Variants in ZBTB7C observed in about 807,000 individuals in gnomAD.
ZBTB7C encodes the protein zinc finger and BTB domain-containing protein 7C.
A neutral mutation model predicts 25.7 loss-of-function variants in ZBTB7C; 8 were observed. The observed-to-expected ratio is 0.31, with a 90% CI of 0.18 to 0.56. The LOEUF (loss-of-function observed/expected upper bound fraction) is 0.56. Ranked by LOEUF, ZBTB7C falls within the 20% of genes least tolerant of loss-of-function variation. The pLI, the probability that ZBTB7C is intolerant of heterozygous loss-of-function variation, is 0.91. For synonymous variants in ZBTB7C, 394 were observed against 369.0 expected (o/e 1.07, Z -0.78); for missense variants, 824 against 855.2 (o/e 0.96, Z 0.46).
At chr18:48,054,774 G>A (rs2036847320) in intron 3 of ZBTB7C, among the ~76,000 whole-genome samples, 1 of 152,140 alleles carries the variant, frequency 6.6e-6, no homozygotes, top group African/African-American at 2.4e-5. Flanking sequence ...ATTGCACTGA[G>A]AAAGCCCAAG....
At chr18:48,083,532 G>A (rs1248196187) in intron 3 of ZBTB7C, among the ~76,000 whole-genome samples, 2 of 152,110 alleles carry the variant, frequency 1.3e-5, no homozygotes, top group Non-Finnish European at 2.9e-5. Context: ...GGAAGGGTAC[G>A]CTGGAGACAG....
chr18:48,047,711 G>C (rs1160973341), intron 3 of ZBTB7C, among the ~76,000 whole-genome samples: 2 of 152,200 alleles, frequency 1.3e-5, no homozygotes, highest in East Asian at 1.9e-4. Context: ...CTCTCAGAGA[G>C]AGACTGTGCT....
chr18:48,227,135 C>A (rs2043123529), intron 2 of ZBTB7C, among the ~76,000 whole-genome samples: 1 of 152,178 alleles, frequency 6.6e-6, no homozygotes. Flanking sequence ...TCTCAAGCCC[C>A]AAGGAGAGCC....
At chr18:48,101,563 C>T (rs2038831874) in intron 3 of ZBTB7C, among the ~76,000 whole-genome samples, 1 of 152,192 alleles carries the variant, frequency 6.6e-6, no homozygotes, top group Admixed American at 6.5e-5. Flanking sequence ...TTCTAAGCAG[C>T]TGTTATAAAA....
At chr18:48,146,996 T>G (rs2040514384) in intron 3 of ZBTB7C, among the ~76,000 whole-genome samples, 1 of 152,270 alleles carries the variant, frequency 6.6e-6, no homozygotes, top group Admixed American at 6.5e-5. Flanking sequence ...ACCAGATTAC[T>G]TTGTCTTCAA....
intron 3 of ZBTB7C, among the ~76,000 whole-genome samples, chr18:48,045,623 C>G (rs147487437): frequency 2.0e-5 from 3 of 152,160 alleles, no homozygotes; most frequent in Non-Finnish European, 4.4e-5. Flanking sequence ...CTCGCACTTC[C>G]GGGGGTCCAC....
At chr18:48,207,575 A>G (rs910195903) in intron 2 of ZBTB7C, among the ~76,000 whole-genome samples, 1 of 111,562 alleles carries the variant, frequency 9.0e-6, no homozygotes, top group African/African-American at 3.5e-5. Flanking sequence ...CCTATCATCT[A>G]TCTATCTATC....
intron 3 of ZBTB7C, among the ~76,000 whole-genome samples, chr18:48,076,749 G>C (rs1047949109): frequency 2.0e-5 from 3 of 152,158 alleles, no homozygotes; most frequent in African/African-American, 7.2e-5. Flanking sequence ...CAGCTATTAT[G>C]AGGGCTCCAC....
chr18:48,305,045 T>G (rs2045638660), intron 2 of ZBTB7C, among the ~76,000 whole-genome samples: 2 of 152,092 alleles, frequency 1.3e-5, no homozygotes, highest in African/African-American at 4.8e-5. Context: ...CTTCCTGAAT[T>G]GCAAGAGAGG....
intron 2 of ZBTB7C, among the ~76,000 whole-genome samples, chr18:48,213,791 TG>T (rs2145258708): frequency 6.6e-6 from 1 of 152,276 alleles, no homozygotes; most frequent in African/African-American, 2.4e-5. Context: ...GGGATGGGAA[TG>T]GGCACTAAGA....
chr18:48,318,485 C>A (rs1196487093), intron 2 of ZBTB7C, among the ~76,000 whole-genome samples: 1 of 152,138 alleles, frequency 6.6e-6, no homozygotes, highest in South Asian at 2.1e-4. Flanking sequence ...CTGCCCTAGA[C>A]CTTGAATCAG....
At chr18:48,103,215 G>T (rs563752748) in intron 3 of ZBTB7C, among the ~76,000 whole-genome samples, 1 of 151,034 alleles carries the variant, frequency 6.6e-6, no homozygotes, top group African/African-American at 2.4e-5. Context: ...ACACGCAAAG[G>T]TCAGAAAAGC....
At chr18:48,312,260 G>C (rs1347741378) in intron 2 of ZBTB7C, among the ~76,000 whole-genome samples, 1 of 152,166 alleles carries the variant, frequency 6.6e-6, no homozygotes, top group Non-Finnish European at 1.5e-5. Context: ...TCTTCTTGAG[G>C]CCATCCAGGC....
chr18:48,126,639 T>C (rs2039810024), intron 3 of ZBTB7C, among the ~76,000 whole-genome samples: 1 of 152,188 alleles, frequency 6.6e-6, no homozygotes, highest in South Asian at 2.1e-4. Context: ...TTGAATGGCA[T>C]GTGACACTTC....
At chr18:48,162,215 C>A in intron 3 of ZBTB7C, 1 of 375,022 alleles carries the variant, frequency 2.7e-6, no homozygotes, top group Non-Finnish European at 5.5e-6. Context: ...ACCCCTGGCC[C>A]CAGCCTCCTT....
At chr18:48,315,017 A>T (rs2045915251) in intron 2 of ZBTB7C, among the ~76,000 whole-genome samples, 1 of 152,134 alleles carries the variant, frequency 6.6e-6, no homozygotes, top group African/African-American at 2.4e-5. Context: ...GACCATGGGC[A>T]TGGCAGCTTC....
intron 2 of ZBTB7C, among the ~76,000 whole-genome samples, chr18:48,224,866 G>C (rs12968531): frequency 0.31 from 47,675 of 152,090 alleles, 8,517 homozygotes; most frequent in East Asian, 0.66. Flanking sequence ...TCATTAAACT[G>C]GGTTCTATAT....
At chr18:48,329,518 A>G (rs2046298241) in intron 2 of ZBTB7C, among the ~76,000 whole-genome samples, 1 of 152,234 alleles carries the variant, frequency 6.6e-6, no homozygotes. Flanking sequence ...AACCCAAGCC[A>G]GTCCAGAGTT....
chr18:48,171,987 G>A (rs369397446), intron 3 of ZBTB7C, among the ~76,000 whole-genome samples: 1 of 152,216 alleles, frequency 6.6e-6, no homozygotes, highest in Non-Finnish European at 1.5e-5. Context: ...TTTCAAAGTC[G>A]AATAAGAAGT....
Sources: gnomAD v4.1 joint callset for allele counts (sites outside exome capture counted in the v4.1 genomes callset) on GRCh38, gnomAD v4.1.1 for gene constraint, MANE v1.5 for transcripts, NCBI Gene and HGNC (gene_info 2026-07-23, HGNC 2026-07-21) for gene names.